The following PCDH9 variants were observed in gnomAD, a reference collection of about 807,000 sequenced individuals.
PCDH9 encodes the protein protocadherin 9.
In PCDH9, 24 loss-of-function variants were observed where a neutral mutation model predicts 70.6. The ratio of observed to expected loss-of-function variants is 0.34; its 90% confidence interval spans 0.25 to 0.48. The LOEUF (loss-of-function observed/expected upper bound fraction) is 0.48. Ranked by LOEUF, PCDH9 falls within the 20% of genes least tolerant of loss-of-function variation. PCDH9 has a pLI of 0.99. For missense variants in PCDH9, 1,281 were observed against 1,503.6 expected, an observed-to-expected ratio of 0.85 and a Z score of 2.45; for synonymous variants, 562 against 558.5, an observed-to-expected ratio of 1.01 and a Z score of -0.09.
intron 3 of PCDH9, among the ~76,000 whole-genome samples, chr13:66,754,942 T>C (rs2079517577): frequency 6.6e-6 from 1 of 152,026 alleles, no homozygotes; most frequent in Non-Finnish European, 1.5e-5. Context: ...AAGAAACCTC[T>C]TATCAACAGG....
intron 4 of PCDH9, among the ~76,000 whole-genome samples, chr13:66,321,405 A>G (rs967719511): frequency 6.6e-6 from 1 of 152,060 alleles, no homozygotes; most frequent in Non-Finnish European, 1.5e-5. Context: ...TGAGATTTTT[A>G]AAGATGGAAT....
intron 2 of PCDH9, among the ~76,000 whole-genome samples, chr13:66,957,231 C>T (rs1832050874): frequency 6.6e-6 from 1 of 152,208 alleles, no homozygotes; most frequent in African/African-American, 2.4e-5. Context: ...ATCTTTCTGA[C>T]ATGTGCTGAT....
chr13:66,881,544 T>C (rs995425407), intron 3 of PCDH9, among the ~76,000 whole-genome samples: 1 of 152,180 alleles, frequency 6.6e-6, no homozygotes, highest in Non-Finnish European at 1.5e-5. Context: ...AGCTACAAGA[T>C]GAGATTTGGT....
chr13:66,793,012 A>G, intron 3 of PCDH9, among the ~76,000 whole-genome samples: 1 of 152,156 alleles, frequency 6.6e-6, no homozygotes. Context: ...ATTGGATTAC[A>G]TCATGGTAAG....
At chr13:67,133,342 T>A (rs2087152304) in intron 2 of PCDH9, among the ~76,000 whole-genome samples, 1 of 152,086 alleles carries the variant, frequency 6.6e-6, no homozygotes, top group African/African-American at 2.4e-5. Context: ...AGATTTTAGC[T>A]TTATTTATAA....
At chr13:66,339,432 C>G (rs1956089742) in intron 4 of PCDH9, among the ~76,000 whole-genome samples, 1 of 151,890 alleles carries the variant, frequency 6.6e-6, no homozygotes, top group South Asian at 2.1e-4. Context: ...TTTGATTAAC[C>G]TAAGTTTTAG....
At chr13:66,461,625 A>T (rs1048943372) in intron 4 of PCDH9, among the ~76,000 whole-genome samples, 8 of 151,774 alleles carry the variant, frequency 5.3e-5, no homozygotes, top group African/African-American at 1.7e-4. Flanking sequence ...ACATTAAAGC[A>T]AGATACACAA....
intron 2 of PCDH9, among the ~76,000 whole-genome samples, chr13:67,124,179 A>G (rs1162910277): frequency 1.3e-5 from 2 of 152,208 alleles, no homozygotes; most frequent in Non-Finnish European, 2.9e-5. Flanking sequence ...TGTCATAGGT[A>G]GTATGCTATA....
At chr13:66,501,298 T>C (rs1282070485) in intron 4 of PCDH9, among the ~76,000 whole-genome samples, 1 of 152,078 alleles carries the variant, frequency 6.6e-6, no homozygotes, top group Non-Finnish European at 1.5e-5. Context: ...ACATCACTGT[T>C]TTACATACCA....
In PCDH9 at chr13:66,677,843, T is replaced by C. The variant is rs557806750; in HGVS notation, c.3139-46432A>G. ...AGTCTCAGATATTTCTTTATAGCAA[T>C]ACAAGAATGGCCTAATACAGAAGCA... On this transcript the variant is annotated intron_variant, in intron 3 of 4. Transcript: ENST00000377865. Among the ~76,000 whole-genome samples the C allele has an allele frequency of 3.5e-4, 53 of 152,246 alleles. 1 individual carries two copies. Among genetic ancestry groups the C allele is most frequent in the African/African-American group, 1.3e-3 (53 of 41,544 alleles).
intron 2 of PCDH9, among the ~76,000 whole-genome samples, chr13:67,126,463 T>G (rs563853012): frequency 1.9e-4 from 29 of 152,212 alleles, no homozygotes; most frequent in Non-Finnish European, 3.5e-4. Flanking sequence ...ATATATTGAC[T>G]AATTATTAAT....
chr13:66,643,605 A>G (rs1194626061), intron 3 of PCDH9, among the ~76,000 whole-genome samples: 1 of 152,062 alleles, frequency 6.6e-6, no homozygotes, highest in African/African-American at 2.4e-5. Context: ...CAAATATAAA[A>G]TTCAAACGTA....
chr13:67,018,131 T>C (rs1176657548), intron 2 of PCDH9, among the ~76,000 whole-genome samples: 1 of 152,186 alleles, frequency 6.6e-6, no homozygotes, highest in Non-Finnish European at 1.5e-5. Context: ...ATAGCTAAAA[T>C]GAGTCTCAAA....
Position 67,225,878 on chromosome 13 carries a change from C to G in PCDH9, c.2563G>C (p.Glu855Gln). Reference sequence around the variant, plus strand: ...TTCTCCTGGTTTGGGGACATCCATTCGGCACCTTGCTTGCTCCTCTGAGCT... The same window carrying G: ...TTCTCCTGGTTTGGGGACATCCATTGGGCACCTTGCTTGCTCCTCTGAGCT... ...KAAQRSKQGA[E>Q]WMSPNQENKQ... Residue 855 changes from glutamate (E) to glutamine (Q), a missense_variant, in exon 2 of 5, where the codon GAA becomes CAA. Physicochemically the swap from Glu to Gln is conservative, Grantham distance 29 (BLOSUM62 2). Around this residue, in one of 4 missense-constraint regions of PCDH9, gnomAD observed 207 missense variants for 191.8 expected, o/e 1.08. Transcript: ENST00000377865. The G allele has an allele frequency of 6.2e-7, 1 of 1,613,996 alleles. No individual in the cohort carries two copies. Among genetic ancestry groups the G allele is most frequent in the Non-Finnish European group, 8.5e-7 (1 of 1,180,016 alleles).
chr13:66,800,793 T>C (rs764030255), intron 3 of PCDH9, among the ~76,000 whole-genome samples: 2 of 152,088 alleles, frequency 1.3e-5, no homozygotes, highest in Non-Finnish European at 2.9e-5. Flanking sequence ...TACAAACATA[T>C]TTAACAATCT....
At chr13:67,184,372 G>C (rs2088694394) in intron 2 of PCDH9, among the ~76,000 whole-genome samples, 1 of 152,150 alleles carries the variant, frequency 6.6e-6, no homozygotes. Flanking sequence ...TTTTGACTGT[G>C]TGATAATCTT....
chr13:66,985,162 C>T (rs1410435040), intron 2 of PCDH9, among the ~76,000 whole-genome samples: 2 of 152,026 alleles, frequency 1.3e-5, no homozygotes, highest in African/African-American at 4.8e-5. Flanking sequence ...TTTACCTTTT[C>T]CATGGTTCCT....
At chr13:66,980,874 G>T (rs2070290871) in intron 2 of PCDH9, among the ~76,000 whole-genome samples, 2 of 151,090 alleles carry the variant, frequency 1.3e-5, no homozygotes, top group Admixed American at 1.3e-4. Context: ...TAGTGTGAAC[G>T]TTTGTATAAA....
chr13:66,499,427 T>TA (rs1158237003), intron 4 of PCDH9, among the ~76,000 whole-genome samples: 9 of 152,108 alleles, frequency 5.9e-5, no homozygotes, highest in African/African-American at 9.7e-5. Flanking sequence ...TAGCAAGATA[T>TA]AAAAAACATT....
Sources: gnomAD v4.1 joint callset for allele counts (sites outside exome capture counted in the v4.1 genomes callset) on GRCh38, gnomAD v4.1.1 for gene constraint, gnomAD v4.1.1 regional missense constraint, MANE v1.5 for transcripts, NCBI Gene and HGNC (gene_info 2026-07-23, HGNC 2026-07-21) for gene names.